The following SGMS1 variants were observed in gnomAD, a reference collection of about 807,000 sequenced individuals.
SGMS1 encodes phosphatidylcholine:ceramide cholinephosphotransferase 1.
In SGMS1, 13 loss-of-function variants were observed where a neutral mutation model predicts 46.2. The ratio of observed to expected loss-of-function variants is 0.28; its 90% CI spans 0.18 to 0.45. The LOEUF is 0.45. Ranked by LOEUF, SGMS1 falls within the 20% of genes least tolerant of loss-of-function variation. SGMS1 has a pLI of 1.00. For missense variants in SGMS1, 324 were observed against 519.9 expected, an observed-to-expected ratio of 0.62 and a Z score of 3.66; for synonymous variants, 203 against 187.8, an observed-to-expected ratio of 1.08 and a Z score of -0.66.
At chr10:50,494,702 A>T (rs954526279) in intron 3 of SGMS1, among the ~76,000 whole-genome samples, 5 of 152,130 alleles carry the variant, frequency 3.3e-5, no homozygotes, top group African/African-American at 1.2e-4. Flanking sequence ...TGTGGGATGA[A>T]ATAATCTGTT....
intron 3 of SGMS1, among the ~76,000 whole-genome samples, chr10:50,515,243 T>A (rs1400640056): frequency 1.3e-5 from 2 of 152,140 alleles, no homozygotes; most frequent in African/African-American, 4.8e-5. Context: ...GGGTCATACA[T>A]CAGAGCCTGG....
intron 2 of SGMS1, among the ~76,000 whole-genome samples, chr10:50,556,699 A>G (rs1838192123): frequency 6.6e-6 from 1 of 152,236 alleles, no homozygotes; most frequent in Non-Finnish European, 1.5e-5. Context: ...GTTTCTGTGT[A>G]GTAACTCCTT....
At chr10:50,544,374 G>A (rs1170042811) in intron 2 of SGMS1, among the ~76,000 whole-genome samples, 1 of 152,136 alleles carries the variant, frequency 6.6e-6, no homozygotes, top group Non-Finnish European at 1.5e-5. Flanking sequence ...TCTAAACAAG[G>A]CATTCCTGCA....
chr10:50,515,587 G>C (rs1837794316), intron 3 of SGMS1, among the ~76,000 whole-genome samples: 1 of 152,200 alleles, frequency 6.6e-6, no homozygotes, highest in Non-Finnish European at 1.5e-5. Flanking sequence ...GTGTGCCATA[G>C]AGCCTGATGG....
In SGMS1 at chr10:50,424,019, AG is replaced by A. The variant is rs141719995; in HGVS notation, c.-232+9456del. Among the ~76,000 whole-genome samples the A allele has an allele frequency of 5.9e-4, 90 of 152,382 alleles. 1 individual carries two copies. The East Asian group carries it at 0.011, about 19-fold the overall frequency. The stretch of plus-strand genomic sequence containing the variant: ...ATTAACAACTACACTGAACGCGCAA[AG>A]AAACAGGGAGTCAAGAATGCTATAT... On this transcript the variant is annotated intron_variant, in intron 6 of 10. Coordinates refer to ENST00000361781, the MANE Select transcript of SGMS1 (RefSeq NM_147156.4).
intron 6 of SGMS1, among the ~76,000 whole-genome samples, chr10:50,380,128 C>T (rs1156657948): frequency 6.6e-6 from 1 of 152,114 alleles, no homozygotes; most frequent in Non-Finnish European, 1.5e-5. Context: ...TATCTGTAAT[C>T]CCAGCACTCT....
intron 2 of SGMS1, among the ~76,000 whole-genome samples, chr10:50,531,705 G>A (rs1367000278): frequency 2.6e-5 from 4 of 152,058 alleles, no homozygotes; most frequent in African/African-American, 7.2e-5. Flanking sequence ...TCTCTGCTGC[G>A]GCAAGTTGCC....
rs544434024 is a variant in SGMS1 at position 50,374,761 on chromosome 10, T to G, written c.-231-30416A>C. 9.9e-5 allele frequency among the ~76,000 whole-genome samples: 15 copies of G among 152,246 alleles called. No homozygotes were observed. In the South Asian group the frequency reaches 2.5e-3, roughly 25 times the overall value. On this transcript the variant is annotated intron_variant, in intron 6 of 10. Transcript: ENST00000361781. ...TCACTTCAACCACTCTGGCCACTGT[T>G]TCTCTAATATGCCTACTATGCTCTA... is the stretch of plus-strand genomic sequence containing the variant.
chr10:50,358,138 AT>A, intron 6 of SGMS1, among the ~76,000 whole-genome samples: 1 of 152,312 alleles, frequency 6.6e-6, no homozygotes, highest in African/African-American at 2.4e-5. Context: ...GTAACAAAAA[AT>A]AAATACATTT....
intron 2 of SGMS1, among the ~76,000 whole-genome samples, chr10:50,552,683 T>TC (rs1317101325): frequency 6.6e-6 from 1 of 152,138 alleles, no homozygotes; most frequent in Non-Finnish European, 1.5e-5. Context: ...TAGTGCCCCG[T>TC]CCCCCGCCAA....
Position 50,495,069 on chromosome 10 carries a change from A to C in SGMS1, c.-498+24762T>G, listed in dbSNP as rs1277215060. On this transcript the variant is annotated intron_variant, in intron 3 of 10. Coordinates refer to ENST00000361781, the MANE Select transcript of SGMS1 (RefSeq NM_147156.4). ...AAATAAAATAAAAAAAAATACAAAA[A>C]ATACAAAAAAAAAAAAAAATTAGCC... Among the ~76,000 whole-genome samples, 35 of 67,736 alleles carry C rather than the reference A, an allele frequency of 5.2e-4. 2 individuals carry two copies. The highest frequency in any genetic ancestry group is 1.7e-3 in the Admixed American group (9 of 5,366). The allele number at this position is 67,736 out of a possible 152,430, so 44.4% of individuals were successfully genotyped here.
At chr10:50,386,537 T>C (rs753900707) in intron 6 of SGMS1, among the ~76,000 whole-genome samples, 1 of 152,216 alleles carries the variant, frequency 6.6e-6, no homozygotes, top group Non-Finnish European at 1.5e-5. Context: ...AGTGGGAACC[T>C]GTATGCTGCT....
intron 8 of SGMS1, among the ~76,000 whole-genome samples, chr10:50,311,744 G>GTA (rs1299612774): frequency 6.6e-6 from 1 of 152,184 alleles, no homozygotes; most frequent in African/African-American, 2.4e-5. Context: ...AATTGCTTTA[G>GTA]TATAACTATC....
chr10:50,307,496 C>T lies in SGMS1; in HGVS notation c.1063-175G>A, dbSNP rs556877510. Reference sequence around the variant, plus strand: ...CTCCACATTCATCTACAAACTGAGCCACATCCCAGTAGAAAAACAACGCCA... The same window carrying T: ...CTCCACATTCATCTACAAACTGAGCTACATCCCAGTAGAAAAACAACGCCA... On this transcript the variant is annotated intron_variant, in intron 10 of 10. Transcript: ENST00000361781. This position sits in a 1 kb window ranked among gnomAD's most constrained non-coding sequence, Gnocchi z 4.2. Among the ~76,000 whole-genome samples the T allele has an allele frequency of 3.3e-4, 51 of 152,278 alleles. No individual in the cohort carries two copies. Among genetic ancestry groups the T allele is most frequent in the African/African-American group, 1.2e-3 (50 of 41,558 alleles).
intron 6 of SGMS1, among the ~76,000 whole-genome samples, chr10:50,400,300 T>G (rs1317088450): frequency 1.3e-5 from 2 of 151,288 alleles, no homozygotes; most frequent in Non-Finnish European, 2.9e-5. Flanking sequence ...TGATGCAGTT[T>G]TTTGCCTCTG....
intron 6 of SGMS1, among the ~76,000 whole-genome samples, chr10:50,381,912 C>T (rs553792244): frequency 3.2e-4 from 49 of 152,270 alleles, no homozygotes; most frequent in African/African-American, 9.6e-4. Context: ...GCTGGCTAAA[C>T]GTCAGTATCT....
At chr10:50,622,419 G>A (rs933210737) in intron 1 of SGMS1, among the ~76,000 whole-genome samples, 4 of 152,178 alleles carry the variant, frequency 2.6e-5, no homozygotes. Context: ...CCCAGTGCCA[G>A]GAAGCGTGGG....
At chr10:50,501,375 A>G (rs918731976) in intron 3 of SGMS1, among the ~76,000 whole-genome samples, 3 of 152,190 alleles carry the variant, frequency 2.0e-5, no homozygotes, top group Admixed American at 1.3e-4. Context: ...AACTATTTCC[A>G]TTATGTATTT....
chr10:50,559,677 T>C (rs913523803), intron 2 of SGMS1, among the ~76,000 whole-genome samples: 1 of 152,160 alleles, frequency 6.6e-6, no homozygotes, highest in African/African-American at 2.4e-5. Flanking sequence ...ACAGGAAATA[T>C]CTTCCCAGTG....
Sources: gnomAD v4.1 joint callset for allele counts (sites outside exome capture counted in the v4.1 genomes callset) on GRCh38, gnomAD v4.1.1 for gene constraint, Gnocchi (gnomAD v3.1) non-coding constraint, MANE v1.5 for transcripts, NCBI Gene and HGNC (gene_info 2026-07-23, HGNC 2026-07-21) for gene names.